The following SPAG16 variants were observed in gnomAD, a reference collection of about 807,000 sequenced individuals.
SPAG16 encodes the protein sperm-associated antigen 16 protein.
Under a neutral mutation model 80.4 loss-of-function variants are expected in SPAG16, and 86 were observed. The ratio of observed to expected loss-of-function variants is 1.07; its 90% CI spans 0.90 to 1.28. The LOEUF (loss-of-function observed/expected upper bound fraction) is 1.28. Among genes scored for constraint, SPAG16 ranks in the 50% most tolerant of loss-of-function variants. The pLI is 0.00. For missense variants in SPAG16, 870 were observed against 765.3 expected (o/e 1.14, Z -1.61); for synonymous variants, 294 against 265.9 (o/e 1.11, Z -1.03).
At chr2:213,330,843 G>T (rs768042147) in intron 5 of SPAG16, among the ~76,000 whole-genome samples, 4 of 152,176 alleles carry the variant, frequency 2.6e-5, no homozygotes, top group Non-Finnish European at 5.9e-5. Context: ...TTCTCGTGCT[G>T]TTCTTGTGAC....
At chr2:213,652,474 T>G (rs2063058748) in intron 10 of SPAG16, among the ~76,000 whole-genome samples, 1 of 152,152 alleles carries the variant, frequency 6.6e-6, no homozygotes, top group Non-Finnish European at 1.5e-5. Context: ...GCACAACTAT[T>G]TCCAGAATTA....
At chr2:214,297,564 T>C (rs536100153) in intron 15 of SPAG16, among the ~76,000 whole-genome samples, 2 of 152,282 alleles carry the variant, frequency 1.3e-5, no homozygotes, top group South Asian at 4.1e-4. Context: ...GTGCCATTTA[T>C]TGGATGATAT....
At chr2:213,459,157 A>G (rs967603293) in intron 9 of SPAG16, among the ~76,000 whole-genome samples, 1 of 152,138 alleles carries the variant, frequency 6.6e-6, no homozygotes, top group African/African-American at 2.4e-5. Flanking sequence ...TTAGTCTTCC[A>G]GTTCACAAAT....
At chr2:214,285,726 C>G (rs1202607244) in intron 15 of SPAG16, among the ~76,000 whole-genome samples, 1 of 152,088 alleles carries the variant, frequency 6.6e-6, no homozygotes, top group African/African-American at 2.4e-5. Flanking sequence ...TCACTTGAAC[C>G]TGGGAGGCGG....
chr2:214,170,524 C>T (rs934056596), intron 15 of SPAG16, among the ~76,000 whole-genome samples: 1 of 151,834 alleles, frequency 6.6e-6, no homozygotes, highest in African/African-American at 2.4e-5. Context: ...GTGTCCCTTG[C>T]TGGGTTGTAT....
chr2:213,757,535 C>G (rs1265009607), intron 10 of SPAG16, among the ~76,000 whole-genome samples: 1 of 152,090 alleles, frequency 6.6e-6, no homozygotes, highest in Non-Finnish European at 1.5e-5. Context: ...AATCTGTCTT[C>G]CCACCTAGAG....
intron 10 of SPAG16, among the ~76,000 whole-genome samples, chr2:213,543,390 C>A (rs953525212): frequency 6.6e-6 from 1 of 151,810 alleles, no homozygotes; most frequent in African/African-American, 2.4e-5. Context: ...TGGTTAATTT[C>A]AACTATGGTG....
At chr2:213,895,693 T>C (rs1250397693) in intron 11 of SPAG16, among the ~76,000 whole-genome samples, 1 of 152,120 alleles carries the variant, frequency 6.6e-6, no homozygotes, top group Non-Finnish European at 1.5e-5. Flanking sequence ...ATGTGGAAGC[T>C]ATATTTAATA....
intron 9 of SPAG16, among the ~76,000 whole-genome samples, chr2:213,457,626 C>G (rs2072103288): frequency 6.6e-6 from 1 of 151,958 alleles, no homozygotes; most frequent in Admixed American, 6.6e-5. Context: ...GTGTATTATT[C>G]AAGCCAGACC....
At chr2:214,342,735 G>T (rs1912220) in intron 15 of SPAG16, among the ~76,000 whole-genome samples, 74,045 of 151,948 alleles carry the variant, frequency 0.49, 21,615 homozygotes, top group Non-Finnish European at 0.65. Flanking sequence ...AAACTGGCCC[G>T]TGGTACCAAA....
intron 10 of SPAG16, among the ~76,000 whole-genome samples, chr2:213,718,258 C>T (rs763510718): frequency 1.3e-5 from 2 of 151,898 alleles, no homozygotes; most frequent in South Asian, 2.1e-4. Flanking sequence ...GAAAAAAGCT[C>T]ATAATCACTG....
At chr2:213,483,736 G>A (rs2073853874) in intron 9 of SPAG16, among the ~76,000 whole-genome samples, 1 of 152,084 alleles carries the variant, frequency 6.6e-6, no homozygotes, top group South Asian at 2.1e-4. Flanking sequence ...ATTGACTAAC[G>A]GGAGTTTGTT....
At chr2:214,019,129 A>G (rs56274520) in intron 13 of SPAG16, among the ~76,000 whole-genome samples, 12,748 of 152,224 alleles carry the variant, frequency 0.084, 831 homozygotes, top group African/African-American at 0.18. Context: ...AGAAAGTGAT[A>G]TATCACATAG....
chr2:213,881,302 C>A (rs2076335145), intron 11 of SPAG16, among the ~76,000 whole-genome samples: 2 of 152,130 alleles, frequency 1.3e-5, no homozygotes, highest in African/African-American at 4.8e-5. Context: ...CTGATTTTTA[C>A]ATATTGATTT....
intron 5 of SPAG16, among the ~76,000 whole-genome samples, chr2:213,334,688 A>G (rs1559421563): frequency 6.6e-6 from 1 of 152,182 alleles, no homozygotes; most frequent in Non-Finnish European, 1.5e-5. Flanking sequence ...ATGTTAAGTG[A>G]AATAACCCAG....
intron 13 of SPAG16, among the ~76,000 whole-genome samples, chr2:214,078,648 A>G (rs568373096): frequency 2.0e-4 from 31 of 151,926 alleles, no homozygotes; most frequent in South Asian, 4.2e-4. Context: ...AATGAATTTG[A>G]TTAGATGAGT....
At chr2:213,814,466 T>C (rs1009724676) in intron 10 of SPAG16, among the ~76,000 whole-genome samples, 2 of 152,166 alleles carry the variant, frequency 1.3e-5, no homozygotes, top group Non-Finnish European at 2.9e-5. Flanking sequence ...ATCACAATGG[T>C]CAGTATCAGA....
chr2:213,675,279 A>T (rs978676966), intron 10 of SPAG16, among the ~76,000 whole-genome samples: 65 of 152,048 alleles, frequency 4.3e-4, no homozygotes, highest in Admixed American at 1.9e-3. Context: ...TAGATTCTGG[A>T]TATTAGCCCT....
chr2:214,395,401 C>G (rs1472187829), intron 15 of SPAG16, among the ~76,000 whole-genome samples: 1 of 152,168 alleles, frequency 6.6e-6, no homozygotes, highest in East Asian at 1.9e-4. Flanking sequence ...TATGTGGTAC[C>G]TTACTGCTGT....
Sources: gnomAD v4.1 joint callset for allele counts (sites outside exome capture counted in the v4.1 genomes callset) on GRCh38, gnomAD v4.1.1 for gene constraint, MANE v1.5 for transcripts, NCBI Gene and HGNC (gene_info 2026-07-23, HGNC 2026-07-21) for gene names.